The following CCDC178 variants were observed in gnomAD, a reference collection of about 807,000 sequenced individuals.
CCDC178 encodes the protein coiled-coil domain containing 178, also known as coiled-coil domain-containing protein 178.
CCDC178 carries 126 observed loss-of-function variants against 117.4 expected under a neutral mutation model. The observed-to-expected ratio is 1.07, with a 90% confidence interval of 0.93 to 1.24. CCDC178 has a LOEUF of 1.24. Ranked by LOEUF, CCDC178 falls within the 50% of genes most tolerant of loss-of-function variation. The probability of loss-of-function intolerance (pLI) is 0.00; values close to 1 mark genes in which losing one functional copy is unlikely to be tolerated. For missense variants in CCDC178, 1,030 were observed against 986.9 expected (o/e 1.04, Z -0.59); for synonymous variants, 283 against 313.4 (o/e 0.90, Z 1.02).
intron 14 of CCDC178, among the ~76,000 whole-genome samples, chr18:33,258,745 C>T (rs1322074398): frequency 2.6e-5 from 4 of 152,026 alleles, no homozygotes; most frequent in African/African-American, 7.2e-5. Context: ...TATATTTAGT[C>T]CTAAGTATAA....
At chr18:33,248,197 T>A (rs966479418) in intron 14 of CCDC178, among the ~76,000 whole-genome samples, 1 of 151,888 alleles carries the variant, frequency 6.6e-6, no homozygotes, top group Non-Finnish European at 1.5e-5. Flanking sequence ...TTCCATACAT[T>A]GCCAAATTAT....
chr18:33,108,303 T>A (rs991859038), intron 20 of CCDC178, among the ~76,000 whole-genome samples: 4 of 151,412 alleles, frequency 2.6e-5, no homozygotes, highest in Non-Finnish European at 3.0e-5. Flanking sequence ...GTTTTTCAAA[T>A]CTATTAAAAT....
intron 21 of CCDC178, among the ~76,000 whole-genome samples, chr18:33,024,827 A>C (rs909320807): frequency 7.7e-6 from 1 of 129,908 alleles, no homozygotes; most frequent in Non-Finnish European, 1.7e-5. Context: ...TTTTTTTTGT[A>C]TTTTTAGTAG....
Position 33,370,202 on chromosome 18 carries a change from A to C in CCDC178, c.209-13T>G. ...CCTTTATTCACCCCTAAAGAGAACAAATAGAAGTTCATTACTCATTCTATA... is the reference window on the plus strand; with the variant it reads ...CCTTTATTCACCCCTAAAGAGAACACATAGAAGTTCATTACTCATTCTATA... On this transcript the variant is annotated splice_polypyrimidine_tract_variant and intron_variant, in intron 5 of 22. Transcript: ENST00000383096. 6.4e-7 allele frequency: 1 copy of C among 1,573,646 alleles called. No homozygotes were observed. Among genetic ancestry groups the C allele is most frequent in the Middle Eastern group, 1.7e-4 (1 of 5,952 alleles).
intron 20 of CCDC178, among the ~76,000 whole-genome samples, chr18:33,109,981 C>G (rs1425222154): frequency 6.6e-6 from 1 of 151,368 alleles, no homozygotes; most frequent in Admixed American, 6.6e-5. Flanking sequence ...TGCATATGTT[C>G]AGCTCTAGTT....
chr18:32,958,799 GTTGA>G (rs992833258), intron 22 of CCDC178, among the ~76,000 whole-genome samples: 106 of 152,230 alleles, frequency 7.0e-4, no homozygotes, highest in African/African-American at 2.4e-3. Flanking sequence ...TTGGTTAAGG[GTTGA>G]TTTATAGTGG....
chr18:33,062,366 A>G (rs272942), intron 21 of CCDC178, among the ~76,000 whole-genome samples: 21,017 of 152,180 alleles, frequency 0.14, 2,198 homozygotes, highest in African/African-American at 0.29. Context: ...GAGGCTCACC[A>G]CACTCACCTT....
At chr18:33,031,443 G>T (rs2056341209) in intron 21 of CCDC178, among the ~76,000 whole-genome samples, 1 of 151,714 alleles carries the variant, frequency 6.6e-6, no homozygotes, top group African/African-American at 2.4e-5. Flanking sequence ...TTGCTCCAGG[G>T]CTTACTGCAT....
At chr18:33,387,182 A>C (rs1174558494) in intron 5 of CCDC178, among the ~76,000 whole-genome samples, 1 of 152,168 alleles carries the variant, frequency 6.6e-6, no homozygotes, top group Non-Finnish European at 1.5e-5. Context: ...GGAGTACTAC[A>C]AACCACTGCT....
rs527353030 is a variant in CCDC178 at position 33,338,800 on chromosome 18, A to C, written c.659-5406T>G. On this transcript the variant is annotated intron_variant, in intron 9 of 22. Transcript: ENST00000383096. ...ACTACACATTGTGTACACAATGTACAGTGATAAGTGCACCAAAATCTCAGA... is the reference window on the plus strand; with the variant it reads ...ACTACACATTGTGTACACAATGTACCGTGATAAGTGCACCAAAATCTCAGA... Among the ~76,000 whole-genome samples the C allele has an allele frequency of 1.1e-4, 17 of 152,254 alleles. No individual in the cohort carries two copies. The Middle Eastern group carries it at 0.017, about 152-fold the overall frequency.
intron 3 of CCDC178, among the ~76,000 whole-genome samples, chr18:33,408,558 A>C (rs1269901884): frequency 6.6e-6 from 1 of 151,998 alleles, no homozygotes; most frequent in Non-Finnish European, 1.5e-5. Flanking sequence ...TTTGGAAGAG[A>C]TGAGTGAACA....
In CCDC178 at chr18:33,423,903, A is replaced by G. The variant is rs79304371; in HGVS notation, c.-22-11793T>C. ...TGGTAAGTGCCATCTACTCTTGTAAAACCTAATACTTATCTGTATTTATAG... is the reference window on the plus strand; with the variant it reads ...TGGTAAGTGCCATCTACTCTTGTAAGACCTAATACTTATCTGTATTTATAG... On this transcript the variant is annotated intron_variant, in intron 2 of 22. Coordinates refer to ENST00000383096, the MANE Select transcript of CCDC178 (RefSeq NM_001105528.4). Among the ~76,000 whole-genome samples the G allele has an allele frequency of 7.9e-4, 121 of 152,326 alleles. 4 individuals are homozygous for G. The East Asian group carries it at 0.021, about 26-fold the overall frequency.
intron 9 of CCDC178, among the ~76,000 whole-genome samples, chr18:33,343,885 T>TATGA (rs2062849293): frequency 6.6e-6 from 1 of 152,016 alleles, no homozygotes; most frequent in Non-Finnish European, 1.5e-5. Flanking sequence ...AAAATATATG[T>TATGA]CTCTATACTT....
intron 5 of CCDC178, among the ~76,000 whole-genome samples, chr18:33,374,050 G>T (rs1159175406): frequency 6.6e-6 from 1 of 152,154 alleles, no homozygotes; most frequent in Non-Finnish European, 1.5e-5. Flanking sequence ...CAAGCTCTCT[G>T]CCAAGGGACA....
intron 21 of CCDC178, among the ~76,000 whole-genome samples, chr18:32,993,276 C>T (rs2144748026): frequency 6.6e-6 from 1 of 152,284 alleles, no homozygotes; most frequent in East Asian, 1.9e-4. Context: ...CTGGCTAAAA[C>T]AGGGACAGGG....
At chr18:33,186,949 T>G (rs557666988) in intron 20 of CCDC178, among the ~76,000 whole-genome samples, 41 of 152,162 alleles carry the variant, frequency 2.7e-4, no homozygotes, top group African/African-American at 8.7e-4. Flanking sequence ...GTTTTCACAC[T>G]GCTATAAAGA....
intron 15 of CCDC178, among the ~76,000 whole-genome samples, chr18:33,239,871 T>C (rs140062877): frequency 5.5e-4 from 83 of 151,828 alleles, no homozygotes; most frequent in African/African-American, 1.9e-3. Flanking sequence ...TAACAGATAT[T>C]TAGAGAATGT....
rs756017398 is a variant in CCDC178, at chr18:33,112,920, A to G, written c.2239-20010T>C. ...ATTAAAATGCACACCTATAAATAAAATGACTCTAAACTGTTAGCCTAACTT... is the reference window on the plus strand; with the variant it reads ...ATTAAAATGCACACCTATAAATAAAGTGACTCTAAACTGTTAGCCTAACTT... On this transcript the variant is annotated intron_variant, in intron 20 of 22. Transcript: ENST00000383096. 3.9e-5 allele frequency among the ~76,000 whole-genome samples: 6 copies of G among 151,986 alleles called. 1 individual carries two copies. The highest frequency in any genetic ancestry group is 3.9e-4 in the East Asian group (2 of 5,154).
chr18:33,179,093 A>ATATATATAAAC (rs2058700650), intron 20 of CCDC178, among the ~76,000 whole-genome samples: 1 of 111,578 alleles, frequency 9.0e-6, no homozygotes, highest in Non-Finnish European at 1.7e-5. Context: ...ATATATATAT[A>ATATATATAAAC]TATATATATA....
Sources: allele counts gnomAD v4.1 joint callset (sites outside exome capture counted in the v4.1 genomes callset), GRCh38; gene constraint gnomAD v4.1.1; transcripts MANE v1.5; gene names NCBI Gene and HGNC (gene_info 2026-07-23, HGNC 2026-07-21).